The following WNT5A variants were observed in gnomAD, a reference collection of about 807,000 sequenced individuals.
The protein encoded by WNT5A is Wnt family member 5A, also known as protein Wnt-5a.
WNT5A carries 9 observed loss-of-function variants against 42.1 expected under a neutral mutation model. That is an observed-to-expected ratio of 0.21 (90% CI 0.13 to 0.37). The LOEUF is 0.37. WNT5A is among the 10% of genes least tolerant of loss of function. WNT5A has a pLI of 1.00. For missense variants in WNT5A, 426 were observed against 534.0 expected (o/e 0.80, Z 1.99); for synonymous variants, 210 against 210.0 (o/e 1.00, Z 0.00).
intron 1 of WNT5A, 96 bp from the exon 2 acceptor site, chr3:55,481,014 T>C: frequency 8.1e-7 from 1 of 1,230,756 alleles, no homozygotes; most frequent in Non-Finnish European, 1.0e-6. Flanking sequence ...TCTCTTAAGT[T>C]TACTGTTGAT....
the WNT5A span, among the ~76,000 whole-genome samples, chr3:55,497,629 T>G: frequency 6.6e-6 from 1 of 152,370 alleles, no homozygotes; most frequent in African/African-American, 2.4e-5. Context: ...TCATTGAGCC[T>G]GACTGGAATA....
chr3:55,485,857 GT>G (rs758979270), intron 1 of WNT5A, among the ~76,000 whole-genome samples: 4 of 151,882 alleles, frequency 2.6e-5, no homozygotes, highest in South Asian at 2.1e-4. Flanking sequence ...TTTTGTTGTT[GT>G]TTTTTTTAAC....
chr3:55,481,135 C>T, intron 1 of WNT5A: 2 of 700,626 alleles, frequency 2.9e-6, no homozygotes, highest in Non-Finnish European at 4.0e-6. Flanking sequence ...CGCTGGGATC[C>T]TGTGCGCGGG....
At position 55,474,321 on chromosome 3, in the gene WNT5A, GAGA is replaced by G. The variant is rs1559553695; in HGVS notation, c.684+13_684+15del. The G allele has an allele frequency of 6.2e-7, 1 of 1,612,518 alleles. No individual in the cohort carries two copies. On this transcript the variant is annotated intron_variant, in intron 4 of 4. Coordinates refer to ENST00000264634, the MANE Select transcript of WNT5A (RefSeq NM_003392.7). ...GAAGACAGAGATGCGGGGCGGGGGC[GAGA>G]CGCGGCACTCACCCTGCGGCCGGCC...
Position 55,480,840 on chromosome 3 carries a change from C to T in WNT5A, c.85G>A (p.Ala29Thr). ...GCGAAGGAGAAAAATATGGCCAAAG[C>T]CACTAGGAAGAACTTGGAAGACATT... ...SAMSSKFFLV[A>T]LAIFFSFAQV... Residue 29 changes from alanine (A) to threonine (T), a missense_variant, in exon 2 of 5, where the codon GCT becomes ACT. By Grantham distance (58) the Ala-to-Thr change is moderately conservative. Transcript: ENST00000264634. 6.3e-7 allele frequency: 1 copy of T among 1,584,212 alleles called. No homozygotes were observed. The highest frequency in any genetic ancestry group is 8.6e-7 in the Non-Finnish European group (1 of 1,163,824).
At chr3:55,478,531 A>G (rs1027202705) in intron 3 of WNT5A, among the ~76,000 whole-genome samples, 7 of 152,168 alleles carry the variant, frequency 4.6e-5, no homozygotes, top group South Asian at 4.1e-4. Context: ...AGTATCCTAT[A>G]CTATTTAAAC....
chr3:55,479,711 A>C, intron 2 of WNT5A, 147 bp from the exon 3 acceptor site: 1 of 1,178,862 alleles, frequency 8.5e-7, no homozygotes. Flanking sequence ...GAAGGGCTTC[A>C]TAAAACTCCT....
intron 1 of WNT5A, among the ~76,000 whole-genome samples, chr3:55,484,572 A>C (rs2051536298): frequency 6.6e-6 from 1 of 152,156 alleles, no homozygotes; most frequent in African/African-American, 2.4e-5. Flanking sequence ...CACTGACAGC[A>C]GGTTCCAGGT....
upstream of WNT5A, among the ~76,000 whole-genome samples, chr3:55,488,560 C>G (rs902153781): frequency 6.6e-6 from 1 of 152,038 alleles, no homozygotes; most frequent in African/African-American, 2.4e-5. Context: ...CGGCCTATGA[C>G]AAACTCTGCA....
intron 1 of WNT5A, among the ~76,000 whole-genome samples, chr3:55,485,364 G>A (rs1371575381): frequency 6.6e-6 from 1 of 151,896 alleles, no homozygotes. Flanking sequence ...GAGCGCACGG[G>A]GGAGGGGAGG....
chr3:55,501,371 A>G, the WNT5A span, among the ~76,000 whole-genome samples: 3 of 152,216 alleles, frequency 2.0e-5, no homozygotes, highest in African/African-American at 7.2e-5. Flanking sequence ...TGTGGTATTC[A>G]TTTTACCTAG....
At chr3:55,489,667 C>T (rs980390660), upstream of WNT5A, among the ~76,000 whole-genome samples, 1 of 152,164 alleles carries the variant, frequency 6.6e-6, no homozygotes, top group African/African-American at 2.4e-5. Context: ...TCCCCCAGGG[C>T]GTGTGCGGCC....
rs538501014 is a variant in WNT5A at position 55,486,599 on chromosome 3, T to G, written c.6+381A>C. 3.9e-5 allele frequency among the ~76,000 whole-genome samples: 6 copies of G among 152,362 alleles called. No homozygotes were observed. The East Asian group carries it at 1.2e-3, about 29-fold the overall frequency. On this transcript the variant is annotated intron_variant, in intron 1 of 4. Transcript: ENST00000264634. ...CGGTGCCCGCGCAGTGGGCGCTTGGTAAATATTTGTTGAATTGAATCATTA... is the reference window on the plus strand; with the variant it reads ...CGGTGCCCGCGCAGTGGGCGCTTGGGAAATATTTGTTGAATTGAATCATTA...
the WNT5A span, among the ~76,000 whole-genome samples, chr3:55,499,974 C>CCAG: frequency 1.6e-4 from 11 of 69,894 alleles, no homozygotes; most frequent in Non-Finnish European, 2.6e-4. Flanking sequence ...GACTCCATCC[C>CCAG]CCCTCCAAAA....
chr3:55,487,551 C>G (rs1010225166), upstream of WNT5A: 1 of 153,120 alleles, frequency 6.5e-6, no homozygotes, highest in African/African-American at 2.4e-5. Context: ...AAACTCTTGG[C>G]GGCTCACGCC....
chr3:55,499,910 G>A, the WNT5A span, among the ~76,000 whole-genome samples: 1 of 151,682 alleles, frequency 6.6e-6, no homozygotes, highest in East Asian at 1.9e-4. Flanking sequence ...AGGAGGCAGA[G>A]TCTGCAGTGA....
At chr3:55,486,152 G>T (rs908486535) in intron 1 of WNT5A, among the ~76,000 whole-genome samples, 2 of 152,040 alleles carry the variant, frequency 1.3e-5, no homozygotes, top group Non-Finnish European at 2.9e-5. Context: ...ACTGGCCCCC[G>T]CCTGCTCTCC....
the WNT5A span, among the ~76,000 whole-genome samples, chr3:55,503,820 G>A: frequency 2.0e-5 from 3 of 152,104 alleles, no homozygotes; most frequent in South Asian, 2.1e-4. Flanking sequence ...ATGGTAGTGC[G>A]TACCAATAGT....
At chr3:55,486,315 G>A (rs1414008510) in intron 1 of WNT5A, among the ~76,000 whole-genome samples, 2 of 152,174 alleles carry the variant, frequency 1.3e-5, no homozygotes, top group Non-Finnish European at 2.9e-5. Flanking sequence ...CCCAGTGGCG[G>A]CTAATAATGC....
Sources: allele counts gnomAD v4.1 joint callset (sites outside exome capture counted in the v4.1 genomes callset), GRCh38; gene constraint gnomAD v4.1.1; transcripts MANE v1.5; gene names NCBI Gene and HGNC (gene_info 2026-07-23, HGNC 2026-07-21).